HMCN1: variants seen among roughly 807,000 people sequenced by gnomAD.
The protein encoded by HMCN1 is hemicentin-1.
In HMCN1, 321 loss-of-function variants were observed where a neutral mutation model predicts 625.9. The ratio of observed to expected loss-of-function variants is 0.51; its 90% CI spans 0.47 to 0.56. The LOEUF (loss-of-function observed/expected upper bound fraction) is 0.56. HMCN1 is among the 20% of genes least tolerant of loss of function. The probability of loss-of-function intolerance (pLI) is 0.00; values close to 1 mark genes in which losing one functional copy is unlikely to be tolerated. For missense variants in HMCN1, 6,588 were observed against 6,887.3 expected, an observed-to-expected ratio of 0.96 and a Z score of 1.54; for synonymous variants, 2,425 against 2,417.6, an observed-to-expected ratio of 1.00 and a Z score of -0.09.
intron 105 of HMCN1, 80 bp downstream of exon 105, chr1:186,182,367 T>A (rs371843074): frequency 6.5e-7 from 1 of 1,528,810 alleles, no homozygotes; most frequent in Non-Finnish European, 9.0e-7. Context: ...TTTTCAATAA[T>A]CATTCTCCTA....
intron 13 of HMCN1, 151 bp downstream of exon 13, chr1:185,964,046 T>G (rs933696341): frequency 1.0e-5 from 7 of 694,378 alleles, no homozygotes; most frequent in Non-Finnish European, 1.7e-5. Context: ...GCAAATATTG[T>G]AACCAATTTA....
chr1:186,166,090 G>T, intron 98 of HMCN1, 94 bp from the exon 99 acceptor site: 2 of 1,323,906 alleles, frequency 1.5e-6, no homozygotes, highest in Non-Finnish European at 2.1e-6. Flanking sequence ...TCAACTTCTT[G>T]GCCTCTATAA....
At chr1:186,009,264 T>C (rs576875968) in intron 30 of HMCN1, among the ~76,000 whole-genome samples, 1 of 152,198 alleles carries the variant, frequency 6.6e-6, no homozygotes, top group African/African-American at 2.4e-5. Flanking sequence ...TCATTTTAGA[T>C]CCTCTTGTTC....
chr1:186,007,703 G>A (rs1262830664), intron 30 of HMCN1, among the ~76,000 whole-genome samples: 1 of 152,138 alleles, frequency 6.6e-6, no homozygotes, highest in Non-Finnish European at 1.5e-5. Flanking sequence ...TCCTGACCAT[G>A]TGATTATCTT....
Position 186,152,775 on chromosome 1 carries a change from T to C in HMCN1, c.14922T>C (p.Ile4974=). The change falls in exon 96 of 107, where the codon ATT becomes ATC. Residue 4974 remains isoleucine (I), a synonymous_variant. Coordinates refer to ENST00000271588, the MANE Select transcript of HMCN1 (RefSeq NM_031935.3). ...ATGEILQMSH[I]ARGLDSDGSL... ...GAGAAATCTTGCAGATGAGTCATAT[T>C]GCCCGGGGCTTGGATTCCGATGGTT... The C allele has an allele frequency of 1.9e-6, 3 of 1,614,052 alleles. No homozygotes were observed. The highest frequency in any genetic ancestry group is 2.5e-6 in the Non-Finnish European group (3 of 1,179,890).
chr1:186,093,351 G>A, intron 65 of HMCN1, 93 bp downstream of exon 65: 1 of 1,592,584 alleles, frequency 6.3e-7, no homozygotes, highest in Non-Finnish European at 8.6e-7. Context: ...GGAGCATTTA[G>A]TTTTAAATTT....
At chr1:185,963,261 C>T (rs868807658) in intron 12 of HMCN1, among the ~76,000 whole-genome samples, 2 of 152,264 alleles carry the variant, frequency 1.3e-5, no homozygotes, top group Non-Finnish European at 2.9e-5. Flanking sequence ...AGAAGTCATA[C>T]GTGTGATCCA....
Position 186,123,190 on chromosome 1 carries a change from A to G in HMCN1, c.12469A>G (p.Ser4157Gly), listed in dbSNP as rs752959772. 5.6e-6 allele frequency: 9 copies of G among 1,613,872 alleles called. No individual in the cohort carries two copies. The African/African-American group carries it at 1.1e-4, about 19-fold the overall frequency. ...CATGGCAGCCAATGTAGCAGGATCAAGCAGCACAAGCACCAAGCTCACCGT... is the reference window on the plus strand; with the variant it reads ...CATGGCAGCCAATGTAGCAGGATCAGGCAGCACAAGCACCAAGCTCACCGT... ...TCMAANVAGS[S>G]STSTKLTVHV... is the part of the protein sequence containing the mutation. The change falls in exon 81 of 107, where the codon AGC becomes GGC. Residue 4157 changes from serine to glycine, a missense_variant. Around this residue, in one of 3 missense-constraint regions of HMCN1, gnomAD observed 1,954 missense variants for 2,013.1 expected, o/e 0.97. Transcript: ENST00000271588.
chr1:186,108,309 A>C (rs1032076890), intron 70 of HMCN1, 152 bp from the exon 71 acceptor site: 49 of 1,245,744 alleles, frequency 3.9e-5, no homozygotes, highest in Non-Finnish European at 5.0e-5. Flanking sequence ...TAAAAAAAAA[A>C]CACTTCCCAC....
At chr1:185,952,463 A>C (rs1649273627) in intron 11 of HMCN1, among the ~76,000 whole-genome samples, 1 of 151,642 alleles carries the variant, frequency 6.6e-6, no homozygotes, top group South Asian at 2.1e-4. Flanking sequence ...GAAAGAAGGA[A>C]GATTTGGGAC....
In HMCN1 at chr1:185,983,734, C is replaced by T. The variant is rs141773486; in HGVS notation, c.2791-435C>T. ...ACAAGGGTGGGTGTTGAGGTTAAGTCCTTCTCCCTTGGCATGAGTAAGTGC... is the reference window on the plus strand; with the variant it reads ...ACAAGGGTGGGTGTTGAGGTTAAGTTCTTCTCCCTTGGCATGAGTAAGTGC... On this transcript the variant is annotated intron_variant, in intron 18 of 106. Coordinates refer to ENST00000271588, the MANE Select transcript of HMCN1 (RefSeq NM_031935.3). Among the ~76,000 whole-genome samples the T allele has an allele frequency of 9.9e-5, 15 of 152,284 alleles. No homozygotes were observed. In the East Asian group the frequency reaches 2.9e-3, roughly 29 times the overall value.
At chr1:186,111,011 C>T (rs890746042) in intron 71 of HMCN1, among the ~76,000 whole-genome samples, 12 of 43,368 alleles carry the variant, frequency 2.8e-4, no homozygotes, top group Admixed American at 5.8e-4. Flanking sequence ...GACGGAGTCT[C>T]GCTCTGTCGC....
rs1399083948 is a variant in HMCN1, at chr1:186,070,724, T to C, written c.8106T>C (p.Pro2702=). ...LTLECEAYAI[P]SASLSWYKDG... The stretch of plus-strand genomic sequence containing the variant: ...TGGAATGTGAAGCGTATGCAATTCC[T>C]TCTGCCTCCCTCAGCTGGTACAAGG... The change falls in exon 52 of 107, where the codon CCT becomes CCC. Residue 2702 remains proline (P), a synonymous_variant. Coordinates refer to ENST00000271588, the MANE Select transcript of HMCN1 (RefSeq NM_031935.3). 1 of 1,613,950 alleles carries C rather than the reference T, an allele frequency of 6.2e-7. No individual in the cohort carries two copies. The highest frequency in any genetic ancestry group is 1.3e-5 in the African/African-American group (1 of 75,056).
At chr1:186,102,562 C>G (rs1660431413) in intron 68 of HMCN1, among the ~76,000 whole-genome samples, 1 of 152,082 alleles carries the variant, frequency 6.6e-6, no homozygotes, top group South Asian at 2.1e-4. Flanking sequence ...TAGAGATTTG[C>G]TCAAATCCAT....
chr1:186,130,613 G>C lies in HMCN1; in HGVS notation c.13146G>C (p.Gln4382His), dbSNP rs770431758. ...AAGGAGACCCCACCCCAACCATCCAGTGGAACAGAAAGGGAGTGGATATTG... is the reference window on the plus strand; with the variant it reads ...AAGGAGACCCCACCCCAACCATCCACTGGAACAGAAAGGGAGTGGATATTG... ...EVKGDPTPTI[Q>H]WNRKGVDIEI... The change falls in exon 85 of 107, where the codon CAG becomes CAC. Residue 4382 changes from glutamine to histidine, a missense_variant. Coordinates refer to ENST00000271588, the MANE Select transcript of HMCN1 (RefSeq NM_031935.3). 13 of 1,613,484 alleles carry C rather than the reference G, an allele frequency of 8.1e-6. No individual in the cohort carries two copies. In the East Asian group the frequency reaches 2.9e-4, roughly 36 times the overall value.
chr1:185,922,594 A>G (rs1013243738), intron 7 of HMCN1, 95 bp downstream of exon 7: 1 of 1,198,970 alleles, frequency 8.3e-7, no homozygotes, highest in Admixed American at 2.0e-5. Context: ...TGTAGTATTC[A>G]ATAAAATTGA....
intron 11 of HMCN1, among the ~76,000 whole-genome samples, chr1:185,941,225 A>G (rs1415648044): frequency 1.3e-5 from 2 of 152,230 alleles, no homozygotes; most frequent in African/African-American, 2.4e-5. Context: ...CTTTAAGACC[A>G]TTAGTGTTGA....
At position 186,061,977 on chromosome 1, in the gene HMCN1, T is replaced by A. The variant is rs189618130; in HGVS notation, c.7426+13T>A. On this transcript the variant is annotated intron_variant, in intron 47 of 106. Transcript: ENST00000271588. ...CTTTCAGTATTAGGTACTTATATAG[T>A]TTGCAATATCTAGAAGAAACTTAAA... is the stretch of plus-strand genomic sequence containing the variant. The A allele has an allele frequency of 6.6e-6, 10 of 1,510,030 alleles. No individual in the cohort carries two copies. The East Asian group carries it at 2.3e-4, about 34-fold the overall frequency. 93.5% of individuals were successfully genotyped at this position (1,510,030 alleles called of 1,614,324 possible). A position where few individuals can be genotyped will look rare whatever the true frequency, so the allele number is the denominator to read the frequency against.
intron 6 of HMCN1, among the ~76,000 whole-genome samples, chr1:185,915,118 A>T (rs549700364): frequency 9.2e-5 from 14 of 152,178 alleles, no homozygotes; most frequent in African/African-American, 3.4e-4. Context: ...AAGCAGAGAT[A>T]AAGAGTCAAC....
Sources: gnomAD v4.1 joint callset for allele counts (sites outside exome capture counted in the v4.1 genomes callset) on GRCh38, gnomAD v4.1.1 for gene constraint, gnomAD v4.1.1 regional missense constraint, MANE v1.5 for transcripts, NCBI Gene and HGNC (gene_info 2026-07-23, HGNC 2026-07-21) for gene names.